Variants in SNRNP48 observed in about 807,000 individuals in gnomAD.
SNRNP48 encodes the protein small nuclear ribonucleoprotein U11/U12 subunit 48.
Under a neutral mutation model 47.0 loss-of-function variants are expected in SNRNP48, and 43 were observed. That is an observed-to-expected ratio of 0.92 (90% CI 0.72 to 1.18). The LOEUF is 1.18. SNRNP48 is among the 50% of genes most tolerant of loss of function. The probability of loss-of-function intolerance (pLI) is 0.00; values close to 1 mark genes in which losing one functional copy is unlikely to be tolerated. For synonymous variants in SNRNP48, 138 were observed against 144.0 expected (o/e 0.96, Z 0.30); for missense variants, 396 against 422.2 (o/e 0.94, Z 0.54).
At chr6:7,598,238 T>A (rs1231697299) in intron 4 of SNRNP48, among the ~76,000 whole-genome samples, 1 of 150,490 alleles carries the variant, frequency 6.6e-6, no homozygotes, top group Non-Finnish European at 1.5e-5. Flanking sequence ...CTCCCACTTG[T>A]AATCCCAGCA....
intron 5 of SNRNP48, among the ~76,000 whole-genome samples, chr6:7,601,925 T>G (rs1180475643): frequency 6.6e-6 from 1 of 152,110 alleles, no homozygotes; most frequent in African/African-American, 2.4e-5. Context: ...GCGATCTCAG[T>G]TCGTTGCAAT....
At chr6:7,600,468 A>C (rs898754519) in intron 4 of SNRNP48, 1 of 152,388 alleles carries the variant, frequency 6.6e-6, no homozygotes, top group Non-Finnish European at 1.5e-5. Context: ...TGTTTGCATT[A>C]GTGAGTAATG....
chr6:7,600,449 C>T (rs1759994773), intron 4 of SNRNP48: 1 of 153,000 alleles, frequency 6.5e-6, no homozygotes, highest in East Asian at 1.9e-4. Context: ...TTTAGTAGCT[C>T]ATGTTCTTTG....
intron 6 of SNRNP48, among the ~76,000 whole-genome samples, chr6:7,603,823 C>T (rs1760076567): frequency 6.6e-6 from 1 of 152,148 alleles, no homozygotes; most frequent in African/African-American, 2.4e-5. Flanking sequence ...TCTCATAGTC[C>T]CTAAGATACT....
At position 7,590,283 on chromosome 6, in the gene SNRNP48, A is replaced by C. The variant is rs145014878; in HGVS notation, c.26A>C (p.Glu9Ala). 5.4e-5 allele frequency: 74 copies of C among 1,374,472 alleles called. No homozygotes were observed. Among genetic ancestry groups the C allele is most frequent in the Non-Finnish European group, 6.8e-5 (72 of 1,053,130 alleles). 85.1% of individuals were successfully genotyped at this position (1,374,472 alleles called of 1,614,324 possible). A position where few individuals can be genotyped will look rare whatever the true frequency, so the allele number is the denominator to read the frequency against. Reference protein sequence around the residue: MEGEPPPVEERRRLQEELN... With the variant: MEGEPPPVAERRRLQEELN... ...ATGGAGGGCGAGCCTCCACCTGTGG[A>C]GGAGCGGCGGCGGCTGCAGGAGGAG... The change falls in exon 1 of 9, where the codon GAG (glutamate) becomes GCG (alanine). Residue 9 changes from glutamate (E) to alanine (A), a missense_variant. Glu to Ala is a moderately radical substitution (Grantham distance 107, BLOSUM62 -1). Transcript: ENST00000342415.
At chr6:7,601,085 A>T (rs115867841) in intron 4 of SNRNP48, 4,345 of 286,662 alleles carry the variant, frequency 0.015, 47 homozygotes, top group Non-Finnish European at 0.02. Context: ...CCTCCATGGG[A>T]TCTGTCTTTA....
chr6:7,606,807 C>G (rs915333928), intron 8 of SNRNP48, among the ~76,000 whole-genome samples: 3 of 152,198 alleles, frequency 2.0e-5, no homozygotes, highest in African/African-American at 7.2e-5. Flanking sequence ...GCTCCTCTTT[C>G]CCCAGCATTA....
At chr6:7,594,918 G>A (rs1268310588) in intron 3 of SNRNP48, 109 bp from the exon 4 acceptor site, 2 of 810,544 alleles carry the variant, frequency 2.5e-6, no homozygotes, top group Non-Finnish European at 2.0e-6. Flanking sequence ...TTAAGATTCT[G>A]GAAGGTTTGT....
chr6:7,598,603 C>T (rs970874420), intron 4 of SNRNP48, among the ~76,000 whole-genome samples: 1 of 152,102 alleles, frequency 6.6e-6, no homozygotes, highest in Non-Finnish European at 1.5e-5. Flanking sequence ...GATCTTTTCC[C>T]TCAGGACAGG....
rs1037564211 is a variant in SNRNP48, at chr6:7,600,230, C to T, written c.407-1106C>T. 1.9e-5 allele frequency: 19 copies of T among 981,942 alleles called. No individual in the cohort carries two copies. In the African/African-American group the frequency reaches 2.6e-4, roughly 14 times the overall value. 60.8% of individuals were successfully genotyped at this position (981,942 alleles called of 1,614,324 possible). A position where few individuals can be genotyped will look rare whatever the true frequency, so the allele number is the denominator to read the frequency against. Reference sequence around the variant, plus strand: ...TGGCCTCAGATTCACTGCAGCTCTCCTCTTAATATGTAGACAAGTAGTACC... The same window carrying T: ...TGGCCTCAGATTCACTGCAGCTCTCTTCTTAATATGTAGACAAGTAGTACC... On this transcript the variant is annotated intron_variant, in intron 4 of 8. Coordinates refer to ENST00000342415, the MANE Select transcript of SNRNP48 (RefSeq NM_152551.4).
At chr6:7,591,704 C>G (rs1441764731) in intron 1 of SNRNP48, among the ~76,000 whole-genome samples, 1 of 152,174 alleles carries the variant, frequency 6.6e-6, no homozygotes, top group African/African-American at 2.4e-5. Flanking sequence ...TTGCCACTTA[C>G]ATTACTTCAT....
At chr6:7,602,854 T>A in intron 6 of SNRNP48, 110 bp downstream of exon 6, 1 of 943,342 alleles carries the variant, frequency 1.1e-6, no homozygotes, top group Non-Finnish European at 1.5e-6. Context: ...GTCTTCAGGG[T>A]GGCCACACCT....
At chr6:7,598,658 ATGAC>A (rs1561712928) in intron 4 of SNRNP48, among the ~76,000 whole-genome samples, 1 of 152,160 alleles carries the variant, frequency 6.6e-6, no homozygotes, top group African/African-American at 2.4e-5. Context: ...TTAAGGGAGA[ATGAC>A]TAACATGAAA....
chr6:7,598,130 G>A (rs938117450), intron 4 of SNRNP48, among the ~76,000 whole-genome samples: 1 of 151,214 alleles, frequency 6.6e-6, no homozygotes, highest in Admixed American at 6.6e-5. Flanking sequence ...GCCTCCCAAA[G>A]TGCTGGGATT....
intron 4 of SNRNP48, among the ~76,000 whole-genome samples, chr6:7,596,826 C>G (rs1459896924): frequency 6.6e-6 from 1 of 152,094 alleles, no homozygotes; most frequent in Non-Finnish European, 1.5e-5. Flanking sequence ...GTAGTGTACC[C>G]ATAAAAAAGT....
At chr6:7,602,144 T>C (rs968673651) in intron 5 of SNRNP48, among the ~76,000 whole-genome samples, 1 of 152,190 alleles carries the variant, frequency 6.6e-6, no homozygotes, top group Non-Finnish European at 1.5e-5. Flanking sequence ...TGAGCCACTG[T>C]ACCCGGCCTG....
intron 5 of SNRNP48, among the ~76,000 whole-genome samples, chr6:7,602,057 C>T (rs191096637): frequency 6.6e-6 from 1 of 152,086 alleles, no homozygotes; most frequent in East Asian, 1.9e-4. Context: ...TTTTGCTACG[C>T]TGGCCAGGCT....
intron 1 of SNRNP48, among the ~76,000 whole-genome samples, chr6:7,592,140 G>A (rs1759829417): frequency 6.6e-6 from 1 of 152,180 alleles, no homozygotes; most frequent in African/African-American, 2.4e-5. Context: ...CCTGGACAAA[G>A]TGAATTCTAA....
Position 7,606,306 on chromosome 6 carries a change from G to T in SNRNP48, c.971+111G>T. The T allele has an allele frequency of 3.7e-6, 4 of 1,079,520 alleles. 1 individual carries two copies. In the South Asian group the frequency reaches 7.3e-5, roughly 20 times the overall value. The allele number at this position is 1,079,520 out of a possible 1,614,324, so 66.9% of individuals were successfully genotyped here. On this transcript the variant is annotated intron_variant, in intron 8 of 8. Transcript: ENST00000342415. The stretch of plus-strand genomic sequence containing the variant: ...AAATAGATTTTAAGAATAAGCTAAA[G>T]TAAGGAGAGTAAACAATTGACGATG...
Sources: gnomAD v4.1 joint callset for allele counts (sites outside exome capture counted in the v4.1 genomes callset) on GRCh38, gnomAD v4.1.1 for gene constraint, MANE v1.5 for transcripts, NCBI Gene and HGNC (gene_info 2026-07-23, HGNC 2026-07-21) for gene names.